The following OR2A12 variants were observed in gnomAD, a reference collection of about 807,000 sequenced individuals.
OR2A12 encodes olfactory receptor 2A12.
For synonymous variants in OR2A12, 153 were observed against 149.3 expected (o/e 1.02, Z -0.18); for missense variants, 380 against 372.5 (o/e 1.02, Z -0.17).
Position 144,097,785 on chromosome 7 carries a change from C to G in OR2A12, c.*1745C>G, listed in dbSNP as rs923741349. 6.6e-6 allele frequency: 1 copy of G among 152,076 alleles called. No homozygotes were observed. Among genetic ancestry groups the G allele is most frequent in the African/African-American group, 2.4e-5 (1 of 41,400 alleles). 9.4% of individuals were successfully genotyped at this position (152,076 alleles called of 1,614,324 possible). On this transcript the variant is annotated 3_prime_UTR_variant, in exon 2 of 2. Coordinates refer to ENST00000641592, the MANE Select transcript of OR2A12 (RefSeq NM_001004135.2). ...TTTGAAGTAAATGGTGTTGGGACAACCAAGTCTTTATAAAGATATTCAAAT... is the reference window on the plus strand; with the variant it reads ...TTTGAAGTAAATGGTGTTGGGACAAGCAAGTCTTTATAAAGATATTCAAAT...
At position 144,095,795 on chromosome 7, in the gene OR2A12, G is replaced by C. The variant is rs1197908545; in HGVS notation, c.688G>C (p.Gly230Arg). ...GGTGGCCATCTTGAGGATCCAGTCT[G>C]GGGAGGGCCGCAGAAAGGCCTTCTC... ...ILVAILRIQS[G>R]EGRRKAFSTC... is the part of the protein sequence containing the mutation. The change falls in exon 2 of 2, where the codon GGG (glycine) becomes CGG (arginine). Residue 230 changes from glycine to arginine, a missense_variant. By Grantham distance (125) the Gly-to-Arg change is moderately radical (BLOSUM62 -2). Coordinates refer to ENST00000641592, the MANE Select transcript of OR2A12 (RefSeq NM_001004135.2). The C allele has an allele frequency of 6.2e-7, 1 of 1,613,990 alleles. No individual in the cohort carries two copies. The highest frequency in any genetic ancestry group is 8.5e-7 in the Non-Finnish European group (1 of 1,180,030).
chr7:144,093,876 A>G (rs1300022707), intron 1 of OR2A12, among the ~76,000 whole-genome samples: 1 of 151,704 alleles, frequency 6.6e-6, no homozygotes, highest in Non-Finnish European at 1.5e-5. Flanking sequence ...CCAGTCTATC[A>G]TTGTTGGACA....
In OR2A12 at chr7:144,095,179, G is replaced by C. The variant is rs757622859; in HGVS notation, c.72G>C (p.Leu24Phe). 4 of 1,614,106 alleles carry C rather than the reference G, an allele frequency of 2.5e-6. No individual in the cohort carries two copies. The highest frequency in any genetic ancestry group is 3.4e-6 in the Non-Finnish European group (4 of 1,179,988). The change falls in exon 2 of 2, where the codon TTG (leucine) becomes TTC (phenylalanine). Residue 24 changes from leucine to phenylalanine, a missense_variant. Physicochemically the swap from Leu to Phe is conservative, Grantham distance 22. Coordinates refer to ENST00000641592, the MANE Select transcript of OR2A12 (RefSeq NM_001004135.2). ...TCCAGGTGGACCCAGCTCTGGAGTT[G>C]TTCCTCTTTGGGTTTTTCTTGCTAT... The part of the protein sequence containing the change: ...LGFQVDPALE[L>F]FLFGFFLLFY...
Position 144,096,063 on chromosome 7 carries a change from G to A in OR2A12, c.*23G>A, listed in dbSNP as rs2051262732. On this transcript the variant is annotated 3_prime_UTR_variant, in exon 2 of 2. Transcript: ENST00000641592. Reference sequence around the variant, plus strand: ...TGAAGAATCATTTGAGATATCCTGAGTGTGTAAGCATGGTTCTCATGACCC... The same window carrying A: ...TGAAGAATCATTTGAGATATCCTGAATGTGTAAGCATGGTTCTCATGACCC... The A allele has an allele frequency of 1.3e-6, 2 of 1,529,194 alleles. No individual in the cohort carries two copies. Among genetic ancestry groups the A allele is most frequent in the African/African-American group, 2.8e-5 (2 of 72,372 alleles). The allele number at this position is 1,529,194 out of a possible 1,614,324, so 94.7% of individuals were successfully genotyped here. A position where few individuals can be genotyped will look rare whatever the true frequency, so the allele number is the denominator to read the frequency against.
rs1417734426 is a variant in OR2A12, at chr7:144,098,746, G to A, written c.*2706G>A. ...TGTCTACACATGGCAGAGAGAGAGA[G>A]AGCCCATATTCTCAATACAATACTA... On this transcript the variant is annotated 3_prime_UTR_variant, in exon 2 of 2. Transcript: ENST00000641592. 6.6e-6 allele frequency: 1 copy of A among 152,328 alleles called. No individual in the cohort carries two copies. Among genetic ancestry groups the A allele is most frequent in the Non-Finnish European group, 1.5e-5 (1 of 68,040 alleles). 9.4% of individuals were successfully genotyped at this position (152,328 alleles called of 1,614,324 possible).
intron 1 of OR2A12, among the ~76,000 whole-genome samples, chr7:144,094,291 C>G (rs2051246737): frequency 6.6e-6 from 1 of 152,082 alleles, no homozygotes; most frequent in African/African-American, 2.4e-5. Context: ...TTCTGTTGAT[C>G]AAATTATAGA....
At position 144,096,000 on chromosome 7, in the gene OR2A12, G is replaced by A; in HGVS notation, c.893G>A (p.Gly298Glu). Residue 298 changes from glycine (G) to glutamate (E), a missense_variant, in exon 2 of 2, where the codon GGG becomes GAG. Physicochemically the swap from Gly to Glu is moderately conservative, Grantham distance 98. Coordinates refer to ENST00000641592, the MANE Select transcript of OR2A12 (RefSeq NM_001004135.2). ...IYSLRNAEVK[G>E]ALKRVLWKQR... ...AGCCTTAGGAATGCAGAGGTGAAAGGGGCTCTAAAGAGAGTCCTTTGGAAA... is the reference window on the plus strand; with the variant it reads ...AGCCTTAGGAATGCAGAGGTGAAAGAGGCTCTAAAGAGAGTCCTTTGGAAA... The A allele has an allele frequency of 1.2e-6, 2 of 1,608,542 alleles. No individual in the cohort carries two copies. Among genetic ancestry groups the A allele is most frequent in the African/African-American group, 1.3e-5 (1 of 74,616 alleles).
chr7:144,092,324 T>A (rs2051232656), intron 1 of OR2A12, among the ~76,000 whole-genome samples: 3 of 152,176 alleles, frequency 2.0e-5, no homozygotes, highest in African/African-American at 7.2e-5. Context: ...AGGTTTGCCT[T>A]GGCTATTTGG....
chr7:144,086,429 A>G lies in OR2A12; in HGVS notation c.-166A>G, dbSNP rs527601306. 6.5e-6 allele frequency: 1 copy of G among 153,186 alleles called. No individual in the cohort carries two copies. The highest frequency in any genetic ancestry group is 1.5e-5 in the Non-Finnish European group (1 of 68,188). The allele number at this position is 153,186 out of a possible 1,614,324, so 9.5% of individuals were successfully genotyped here. Reference sequence around the variant, plus strand: ...CCCACACCTACACACGCTGACACTCATACGAATAACAAAGCTGGAGGATAG... The same window carrying G: ...CCCACACCTACACACGCTGACACTCGTACGAATAACAAAGCTGGAGGATAG... On this transcript the variant is annotated 5_prime_UTR_variant, in exon 1 of 2. Transcript: ENST00000641592.
chr7:144,095,748 T>C lies in OR2A12; in HGVS notation c.641T>C (p.Leu214Pro). ...FILVGPLCLV[L>P]VSYLHILVAI... ...TTAGTGGGGCCGCTCTGCCTGGTGC[T>C]GGTCTCCTACTTGCACATCCTGGTG... Residue 214 changes from leucine (L) to proline (P), a missense_variant, in exon 2 of 2, where the codon CTG (leucine) becomes CCG (proline). Physicochemically the swap from Leu to Pro is moderately conservative, Grantham distance 98. Transcript: ENST00000641592. 1 of 1,614,150 alleles carries C rather than the reference T, an allele frequency of 6.2e-7. No individual in the cohort carries two copies. The highest frequency in any genetic ancestry group is 8.5e-7 in the Non-Finnish European group (1 of 1,180,028).
In OR2A12 at chr7:144,096,959, T is replaced by C. The variant is rs1417278899; in HGVS notation, c.*919T>C. The C allele has an allele frequency of 1.3e-5, 2 of 152,182 alleles. No homozygotes were observed. The highest frequency in any genetic ancestry group is 4.8e-5 in the African/African-American group (2 of 41,432). The allele number at this position is 152,182 out of a possible 1,614,324, so 9.4% of individuals were successfully genotyped here. A position where few individuals can be genotyped will look rare whatever the true frequency, so the allele number is the denominator to read the frequency against. Reference sequence around the variant, plus strand: ...CACAAAAAAAATCACTTGTTTTTCTTGATTTCACTTTTTACTAGAGATCCT... The same window carrying C: ...CACAAAAAAAATCACTTGTTTTTCTCGATTTCACTTTTTACTAGAGATCCT... On this transcript the variant is annotated 3_prime_UTR_variant, in exon 2 of 2. Coordinates refer to ENST00000641592, the MANE Select transcript of OR2A12 (RefSeq NM_001004135.2).
chr7:144,095,995 G>A lies in OR2A12; in HGVS notation c.888G>A (p.Val296=), dbSNP rs758886665. 12 of 1,611,562 alleles carry A rather than the reference G, an allele frequency of 7.4e-6. No homozygotes were observed. Among genetic ancestry groups the A allele is most frequent in the Non-Finnish European group, 9.3e-6 (11 of 1,179,006 alleles). The change falls in exon 2 of 2, where the codon GTG becomes GTA. Residue 296 remains valine, a synonymous_variant. Transcript: ENST00000641592. ...PLIYSLRNAE[V]KGALKRVLWK... ...TCTACAGCCTTAGGAATGCAGAGGTGAAAGGGGCTCTAAAGAGAGTCCTTT... is the reference window on the plus strand; with the variant it reads ...TCTACAGCCTTAGGAATGCAGAGGTAAAAGGGGCTCTAAAGAGAGTCCTTT...
Position 144,095,655 on chromosome 7 carries a change from T to C in OR2A12, c.548T>C (p.Val183Ala). 1 of 1,614,146 alleles carries C rather than the reference T, an allele frequency of 6.2e-7. No homozygotes were observed. The highest frequency in any genetic ancestry group is 8.5e-7 in the Non-Finnish European group (1 of 1,180,018). Residue 183 changes from valine (V) to alanine (A), a missense_variant, in exon 2 of 2, where the codon GTA becomes GCA. Physicochemically the swap from Val to Ala is moderately conservative, Grantham distance 64 (BLOSUM62 0). Transcript: ENST00000641592. Reference sequence around the variant, plus strand: ...CACTTTTTCTGTCAAATCATGTCCGTATTCAAATTGGCCTGTGCTGACACT... The same window carrying C: ...CACTTTTTCTGTCAAATCATGTCCGCATTCAAATTGGCCTGTGCTGACACT... The part of the protein sequence containing the change: ...INHFFCQIMS[V>A]FKLACADTRL...
chr7:144,095,502 C>A lies in OR2A12; in HGVS notation c.395C>A (p.Thr132Asn). Residue 132 changes from threonine to asparagine, a missense_variant, in exon 2 of 2, where the codon ACC (threonine) becomes AAC (asparagine). By Grantham distance (65) the Thr-to-Asn change is moderately conservative. Transcript: ENST00000641592. ...YVAICHPLQY[T>N]LIMNWRVCTV... ...GCAATCTGTCACCCCTTGCAATACA[C>A]CCTCATTATGAACTGGAGAGTGTGC... 6.2e-7 allele frequency: 1 copy of A among 1,613,904 alleles called. No homozygotes were observed. The highest frequency in any genetic ancestry group is 8.5e-7 in the Non-Finnish European group (1 of 1,179,814).
chr7:144,094,127 A>G (rs28613255), intron 1 of OR2A12, among the ~76,000 whole-genome samples: 32,378 of 151,786 alleles, frequency 0.21, 4,072 homozygotes, highest in African/African-American at 0.34. Context: ...TTGAGTGGAG[A>G]AGTTTTTGTT....
Position 144,095,948 on chromosome 7 carries a change from A to C in OR2A12, c.841A>C (p.Asn281His). The C allele has an allele frequency of 6.2e-7, 1 of 1,613,994 alleles. No individual in the cohort carries two copies. The highest frequency in any genetic ancestry group is 8.5e-7 in the Non-Finnish European group (1 of 1,180,006). ...CCTTTCCCTGTTTTACAGCCTTTTCAACCCGATCCTGAACCCCCTCATCTA... is the reference window on the plus strand; with the variant it reads ...CCTTTCCCTGTTTTACAGCCTTTTCCACCCGATCCTGAACCCCCTCATCTA... ...KILSLFYSLF[N>H]PILNPLIYSL... is the part of the protein sequence containing the mutation. The change falls in exon 2 of 2, where the codon AAC (asparagine) becomes CAC (histidine). Residue 281 changes from asparagine (N) to histidine (H), a missense_variant. Asn to His is a moderately conservative substitution (Grantham distance 68). Coordinates refer to ENST00000641592, the MANE Select transcript of OR2A12 (RefSeq NM_001004135.2).
chr7:144,088,470 T>A (rs552437703), intron 1 of OR2A12, among the ~76,000 whole-genome samples: 8 of 152,360 alleles, frequency 5.3e-5, no homozygotes, highest in African/African-American at 1.9e-4. Context: ...TTTCCTTGAC[T>A]ATTCTGGACC....
At chr7:144,087,805 C>G (rs1394835670) in intron 1 of OR2A12, among the ~76,000 whole-genome samples, 4 of 152,040 alleles carry the variant, frequency 2.6e-5, no homozygotes, top group Non-Finnish European at 5.9e-5. Context: ...AAAAACATAC[C>G]CCTAGCTTGT....
rs766537519 is a variant in OR2A12 at position 144,096,058 on chromosome 7, C to A, written c.*18C>A. 6.5e-7 allele frequency: 1 copy of A among 1,541,274 alleles called. No individual in the cohort carries two copies. The highest frequency in any genetic ancestry group is 8.8e-7 in the Non-Finnish European group (1 of 1,137,372). On this transcript the variant is annotated 3_prime_UTR_variant, in exon 2 of 2. Coordinates refer to ENST00000641592, the MANE Select transcript of OR2A12 (RefSeq NM_001004135.2). ...CAATGTGAAGAATCATTTGAGATAT[C>A]CTGAGTGTGTAAGCATGGTTCTCAT... is the stretch of plus-strand genomic sequence containing the variant.
Sources: gnomAD v4.1 joint callset for allele counts (sites outside exome capture counted in the v4.1 genomes callset) on GRCh38, gnomAD v4.1.1 for gene constraint, MANE v1.5 for transcripts, NCBI Gene and HGNC (gene_info 2026-07-23, HGNC 2026-07-21) for gene names.